SPOCK1: variants seen among roughly 807,000 people sequenced by gnomAD.
The protein encoded by SPOCK1 is testican-1.
Under a neutral mutation model 55.3 loss-of-function variants are expected in SPOCK1, and 23 were observed. The observed-to-expected ratio is 0.42, with a 90% confidence interval of 0.30 to 0.59. The LOEUF is 0.59. SPOCK1 is among the 20% of genes least tolerant of loss of function. The pLI is 0.22. For synonymous variants in SPOCK1, 226 were observed against 221.0 expected, an observed-to-expected ratio of 1.02 and a Z score of -0.20; for missense variants, 499 against 552.5, an observed-to-expected ratio of 0.90 and a Z score of 0.97.
intron 3 of SPOCK1, among the ~76,000 whole-genome samples, chr5:137,165,843 C>A (rs1424562843): frequency 1.3e-5 from 2 of 151,760 alleles, no homozygotes; most frequent in Non-Finnish European, 2.9e-5. Context: ...TGAAGGCAGG[C>A]CATTTGAAAA....
chr5:137,278,502 T>C (rs1046616026), intron 2 of SPOCK1, among the ~76,000 whole-genome samples: 5 of 152,294 alleles, frequency 3.3e-5, no homozygotes, highest in African/African-American at 9.6e-5. Flanking sequence ...ATCCCCTCTC[T>C]GAGCAACAGC....
At chr5:137,402,309 T>C (rs937720600) in intron 2 of SPOCK1, among the ~76,000 whole-genome samples, 3 of 152,236 alleles carry the variant, frequency 2.0e-5, no homozygotes, top group Non-Finnish European at 2.9e-5. Context: ...CGGAGGTTAA[T>C]ATGCTTATGG....
At chr5:136,987,861 C>G (rs993395907) in intron 8 of SPOCK1, among the ~76,000 whole-genome samples, 1 of 152,148 alleles carries the variant, frequency 6.6e-6, no homozygotes, top group East Asian at 1.9e-4. Flanking sequence ...AATCTGAATC[C>G]CCCAGCAGGC....
At position 136,992,698 on chromosome 5, in the gene SPOCK1, A is replaced by G. The variant is rs905138384; in HGVS notation, c.590-98T>C. On this transcript the variant is annotated intron_variant, in intron 6 of 10. Transcript: ENST00000394945. ...AGCCACGTTCAAAGCAAACCTTTCT[A>G]TCCAACCACGATATAACTGTTACCT... 5.9e-6 allele frequency: 5 copies of G among 847,070 alleles called. No individual in the cohort carries two copies. The African/African-American group carries it at 6.9e-5, about 12-fold the overall frequency. 52.5% of individuals were successfully genotyped at this position (847,070 alleles called of 1,614,324 possible).
At chr5:137,157,921 G>A (rs1448051367) in intron 3 of SPOCK1, among the ~76,000 whole-genome samples, 1 of 152,164 alleles carries the variant, frequency 6.6e-6, no homozygotes, top group East Asian at 1.9e-4. Context: ...AATTGGCTGG[G>A]TGTGGTGGCG....
At chr5:137,088,986 G>T (rs1365504320) in intron 5 of SPOCK1, among the ~76,000 whole-genome samples, 2 of 152,208 alleles carry the variant, frequency 1.3e-5, no homozygotes, top group Admixed American at 6.5e-5. Flanking sequence ...GGGTTCTCAA[G>T]CAAAGGAGAA....
At chr5:137,271,364 T>C (rs1756960254) in intron 2 of SPOCK1, among the ~76,000 whole-genome samples, 1 of 149,064 alleles carries the variant, frequency 6.7e-6, no homozygotes, top group Admixed American at 6.7e-5. Flanking sequence ...GTTTTACATA[T>C]ACATATATAC....
chr5:137,234,450 C>T (rs1756134308), intron 3 of SPOCK1, among the ~76,000 whole-genome samples: 1 of 152,150 alleles, frequency 6.6e-6, no homozygotes, highest in African/African-American at 2.4e-5. Context: ...ACCTTCTTAC[C>T]ACTTTCATCA....
At chr5:137,143,289 T>A (rs953348214) in intron 3 of SPOCK1, among the ~76,000 whole-genome samples, 40 of 152,154 alleles carry the variant, frequency 2.6e-4, no homozygotes, top group African/African-American at 9.7e-4. Flanking sequence ...ATGACAAGCT[T>A]TGTGGCAGAA....
At chr5:137,406,234 T>C (rs1397039485) in intron 2 of SPOCK1, among the ~76,000 whole-genome samples, 1 of 152,120 alleles carries the variant, frequency 6.6e-6, no homozygotes, top group East Asian at 1.9e-4. Context: ...CACATAAAAG[T>C]GGTGTCAGCC....
At chr5:137,109,161 C>A (rs1753419539) in intron 5 of SPOCK1, among the ~76,000 whole-genome samples, 5 of 152,180 alleles carry the variant, frequency 3.3e-5, no homozygotes, top group Admixed American at 3.3e-4. Flanking sequence ...CATCTCATGG[C>A]TCATCTCCAG....
At chr5:137,104,987 G>A (rs906398557) in intron 5 of SPOCK1, among the ~76,000 whole-genome samples, 1 of 152,082 alleles carries the variant, frequency 6.6e-6, no homozygotes, top group Non-Finnish European at 1.5e-5. Context: ...AAAAAGTTGG[G>A]GACCGCTGCC....
chr5:137,416,325 T>A (rs187059575), intron 2 of SPOCK1, among the ~76,000 whole-genome samples: 211 of 150,400 alleles, frequency 1.4e-3, no homozygotes, highest in African/African-American at 4.1e-3. Context: ...TCAAGCAGAA[T>A]AAATATTATA....
intron 2 of SPOCK1, among the ~76,000 whole-genome samples, chr5:137,341,873 C>G (rs1057449847): frequency 5.3e-5 from 8 of 152,208 alleles, no homozygotes; most frequent in African/African-American, 1.9e-4. Flanking sequence ...TAATGTGTCA[C>G]GGGAAGAAAA....
intron 3 of SPOCK1, among the ~76,000 whole-genome samples, chr5:137,250,072 A>G (rs1756478644): frequency 6.6e-6 from 1 of 152,228 alleles, no homozygotes; most frequent in East Asian, 1.9e-4. Context: ...TTCTTTTTAC[A>G]TTTTAAAGTA....
chr5:137,296,492 G>A (rs370861161), intron 2 of SPOCK1, among the ~76,000 whole-genome samples: 19 of 152,254 alleles, frequency 1.2e-4, no homozygotes, highest in African/African-American at 4.3e-4. Flanking sequence ...CCGACTGAAC[G>A]CGAACTAAAG....
chr5:137,035,387 T>C (rs1751864511), intron 6 of SPOCK1, among the ~76,000 whole-genome samples: 1 of 152,184 alleles, frequency 6.6e-6, no homozygotes. Flanking sequence ...AGACTCCGAT[T>C]TGCAAGGCAA....
intron 6 of SPOCK1, among the ~76,000 whole-genome samples, chr5:136,996,466 A>T (rs1298654023): frequency 1.3e-5 from 2 of 152,140 alleles, no homozygotes; most frequent in African/African-American, 4.8e-5. Context: ...ACCCTCCTGG[A>T]TGGACACGTG....
At chr5:137,357,316 CT>C (rs1375231908) in intron 2 of SPOCK1, among the ~76,000 whole-genome samples, 1 of 152,162 alleles carries the variant, frequency 6.6e-6, no homozygotes, top group Non-Finnish European at 1.5e-5. Flanking sequence ...AGAACATGTT[CT>C]CTGTTGTTAG....
Sources: allele counts gnomAD v4.1 joint callset (sites outside exome capture counted in the v4.1 genomes callset), GRCh38; gene constraint gnomAD v4.1.1; transcripts MANE v1.5; gene names NCBI Gene and HGNC (gene_info 2026-07-23, HGNC 2026-07-21).